The following TDRD3 variants were observed in gnomAD, a reference collection of about 807,000 sequenced individuals.
TDRD3 encodes tudor domain containing 3.
A neutral mutation model predicts 86.7 loss-of-function variants in TDRD3; 45 were observed. That is an observed-to-expected ratio of 0.52 (90% CI 0.41 to 0.67). TDRD3 has a LOEUF of 0.67. Ranked by LOEUF, TDRD3 falls within the 30% of genes least tolerant of loss-of-function variation. The pLI is 0.00. For missense variants in TDRD3, 814 were observed against 889.0 expected, an observed-to-expected ratio of 0.92 and a Z score of 1.07; for synonymous variants, 298 against 301.7, an observed-to-expected ratio of 0.99 and a Z score of 0.13.
chr13:60,519,374 CA>C (rs1957241754), intron 10 of TDRD3, among the ~76,000 whole-genome samples: 1 of 152,054 alleles, frequency 6.6e-6, no homozygotes. Context: ...TGTATTAAAG[CA>C]AAAATAACAT....
intron 12 of TDRD3, among the ~76,000 whole-genome samples, chr13:60,552,711 C>T (rs1315595834): frequency 1.3e-5 from 2 of 152,238 alleles, no homozygotes; most frequent in Admixed American, 6.5e-5. Context: ...GATATCCAGG[C>T]TTTCCCGTAC....
At chr13:60,483,736 AT>A (rs760182789) in intron 5 of TDRD3, 38 bp from the exon 6 acceptor site, 13 of 1,557,300 alleles carry the variant, frequency 8.3e-6, no homozygotes, top group Admixed American at 1.8e-5. Flanking sequence ...TATATTTTTT[AT>A]GTATAACTGC....
At chr13:60,462,365 G>A (rs1955820362) in intron 4 of TDRD3, among the ~76,000 whole-genome samples, 1 of 152,140 alleles carries the variant, frequency 6.6e-6, no homozygotes, top group African/African-American at 2.4e-5. Flanking sequence ...ATCCCTTGTT[G>A]AATTTATTGC....
intron 11 of TDRD3, among the ~76,000 whole-genome samples, chr13:60,533,250 C>A (rs1957624018): frequency 6.6e-6 from 1 of 152,108 alleles, no homozygotes; most frequent in South Asian, 2.1e-4. Context: ...TAGTTAAAAA[C>A]CAACTATTTT....
At chr13:60,530,750 C>T (rs751659742) in intron 11 of TDRD3, among the ~76,000 whole-genome samples, 4 of 152,076 alleles carry the variant, frequency 2.6e-5, no homozygotes, top group African/African-American at 4.8e-5. Context: ...CCACCACGCC[C>T]GGCCCAAAAT....
chr13:60,499,035 C>G (rs1470060171), intron 8 of TDRD3, among the ~76,000 whole-genome samples: 1 of 152,196 alleles, frequency 6.6e-6, no homozygotes, highest in Non-Finnish European at 1.5e-5. Context: ...CTCACACTGG[C>G]TCCCTGACTG....
chr13:60,514,020 C>T (rs915054399), intron 10 of TDRD3, among the ~76,000 whole-genome samples: 1 of 152,078 alleles, frequency 6.6e-6, no homozygotes, highest in Non-Finnish European at 1.5e-5. Flanking sequence ...TAGAAGAAGA[C>T]AAGAAAATGT....
chr13:60,569,063 G>A (rs1033784423), intron 13 of TDRD3, among the ~76,000 whole-genome samples: 7 of 152,110 alleles, frequency 4.6e-5, no homozygotes, highest in African/African-American at 1.4e-4. Context: ...CTGCCTTCTG[G>A]GCTCAAGACG....
chr13:60,461,817 G>T (rs774226567), intron 4 of TDRD3, among the ~76,000 whole-genome samples: 5 of 152,142 alleles, frequency 3.3e-5, no homozygotes, highest in Non-Finnish European at 7.3e-5. Flanking sequence ...CAGGAGTGGG[G>T]TTAAAATATG....
chr13:60,566,987 T>C (rs987945733), intron 12 of TDRD3, among the ~76,000 whole-genome samples: 2 of 152,218 alleles, frequency 1.3e-5, no homozygotes, highest in African/African-American at 4.8e-5. Flanking sequence ...AAACCATTAT[T>C]TTTTTCTGTC....
intron 1 of TDRD3, among the ~76,000 whole-genome samples, chr13:60,430,052 G>A (rs1022799725): frequency 2.6e-5 from 4 of 151,960 alleles, no homozygotes; most frequent in East Asian, 1.9e-4. Context: ...GGTCTTTTTC[G>A]GCAAGGGTAA....
chr13:60,408,750 G>A (rs909783484), intron 1 of TDRD3, among the ~76,000 whole-genome samples: 3 of 152,166 alleles, frequency 2.0e-5, no homozygotes, highest in Admixed American at 6.5e-5. Flanking sequence ...GGGAAACAGA[G>A]CACAAAAGTT....
chr13:60,490,191 T>A (rs1956555300), intron 7 of TDRD3, among the ~76,000 whole-genome samples: 1 of 151,834 alleles, frequency 6.6e-6, no homozygotes, highest in Non-Finnish European at 1.5e-5. Context: ...ACTCAATCGA[T>A]GTAACTCAGA....
At chr13:60,558,288 CATCTT>C (rs1328850865) in intron 12 of TDRD3, among the ~76,000 whole-genome samples, 1 of 152,204 alleles carries the variant, frequency 6.6e-6, no homozygotes, top group African/African-American at 2.4e-5. Context: ...TTCGTTAACT[CATCTT>C]ATATTAGCCT....
chr13:60,398,759 ATTG>A (rs1454515999), intron 1 of TDRD3, among the ~76,000 whole-genome samples: 3 of 152,228 alleles, frequency 2.0e-5, no homozygotes, highest in African/African-American at 7.2e-5. Context: ...CTTATGCGTT[ATTG>A]TTGTTACAGT....
chr13:60,515,563 C>T (rs1462366146), intron 10 of TDRD3, among the ~76,000 whole-genome samples: 1 of 152,142 alleles, frequency 6.6e-6, no homozygotes, highest in Non-Finnish European at 1.5e-5. Flanking sequence ...ATGAAGATAA[C>T]AGGATTGATG....
At chr13:60,537,992 T>C (rs976004842) in intron 12 of TDRD3, 13 of 152,010 alleles carry the variant, frequency 8.6e-5, no homozygotes, top group African/African-American at 3.1e-4. Flanking sequence ...TAAGCATAAA[T>C]CATTAAATAG....
At chr13:60,495,548 C>G (rs1956694401) in intron 8 of TDRD3, among the ~76,000 whole-genome samples, 1 of 152,022 alleles carries the variant, frequency 6.6e-6, no homozygotes, top group African/African-American at 2.4e-5. Flanking sequence ...ACTGCAGCCT[C>G]TGCCTCCTGG....
chr13:60,425,268 G>A (rs1954772705), intron 1 of TDRD3, among the ~76,000 whole-genome samples: 1 of 152,192 alleles, frequency 6.6e-6, no homozygotes, highest in Non-Finnish European at 1.5e-5. Context: ...AGGTGCTCAA[G>A]ATCACGAATG....
Sources: allele counts gnomAD v4.1 joint callset (sites outside exome capture counted in the v4.1 genomes callset), GRCh38; gene constraint gnomAD v4.1.1; transcripts MANE v1.5; gene names NCBI Gene and HGNC (gene_info 2026-07-23, HGNC 2026-07-21).